GART: variants seen among roughly 807,000 people sequenced by gnomAD.
GART encodes trifunctional purine biosynthetic protein adenosine-3.
A neutral mutation model predicts 107.2 loss-of-function variants in GART; 43 were observed. That is an observed-to-expected ratio of 0.40 (90% CI 0.31 to 0.52). The LOEUF (loss-of-function observed/expected upper bound fraction) is 0.52, where lower values mean the gene tolerates loss of function less well. Ranked by LOEUF, GART falls within the 20% of genes least tolerant of loss-of-function variation. The probability of loss-of-function intolerance (pLI) is 0.52; values close to 1 mark genes in which losing one functional copy is unlikely to be tolerated. For synonymous variants in GART, 434 were observed against 427.0 expected (o/e 1.02, Z -0.20); for missense variants, 1,107 against 1,206.5 (o/e 0.92, Z 1.22).
intron 18 of GART, among the ~76,000 whole-genome samples, chr21:33,507,247 A>C (rs1051043754): frequency 2.6e-5 from 4 of 152,194 alleles, no homozygotes; most frequent in African/African-American, 9.6e-5. Context: ...CATTTGCAAC[A>C]ACATGGATGG....
intron 4 of GART, 34 bp from the exon 5 acceptor site, chr21:33,532,490 A>C (rs202189276): frequency 1.4e-6 from 2 of 1,435,808 alleles, no homozygotes; most frequent in African/African-American, 2.8e-5. Context: ...ACATCCAATA[A>C]ACCATTACAA....
chr21:33,512,785 GT>G (rs1400385951), intron 16 of GART, among the ~76,000 whole-genome samples: 1 of 151,658 alleles, frequency 6.6e-6, no homozygotes, highest in Non-Finnish European at 1.5e-5. Flanking sequence ...GAGAGACAGG[GT>G]CTTACCATGT....
chr21:33,522,348 T>C (rs1236274507), intron 11 of GART, 66 bp from the exon 12 acceptor site: 3 of 1,239,758 alleles, frequency 2.4e-6, no homozygotes, highest in Non-Finnish European at 2.3e-6. Flanking sequence ...TAAAATATTA[T>C]TTAAAGCAGA....
intron 16 of GART, among the ~76,000 whole-genome samples, chr21:33,514,856 C>T (rs2084847963): frequency 6.6e-6 from 1 of 152,150 alleles, no homozygotes; most frequent in Non-Finnish European, 1.5e-5. Context: ...CATCTGACCA[C>T]TCTCCCAGCT....
In GART at chr21:33,519,552, T is replaced by TAAAA. The variant is rs559509642; in HGVS notation, c.1702+808_1702+811dup. Among the ~76,000 whole-genome samples the TAAAA allele has an allele frequency of 9.7e-5, 12 of 123,346 alleles. 1 individual carries two copies. The highest frequency in any genetic ancestry group is 1.9e-4 in the Non-Finnish European group (11 of 57,534). 80.9% of individuals were successfully genotyped at this position (123,346 alleles called of 152,430 possible). On this transcript the variant is annotated intron_variant, in intron 14 of 21. Coordinates refer to ENST00000381815, the MANE Select transcript of GART (RefSeq NM_000819.5). ...CTGCGTGACAGAGCAAGACTCTGTT[T>TAAAA]AAAAAAAAAAAAAAAAAAAGAGGCA...
Position 33,511,287 on chromosome 21 carries a change from G to GCTT in GART, c.2276_2278dup (p.Glu759dup). The stretch of plus-strand genomic sequence containing the variant: ...TGCAACCACACTGCCAATCACCCAG[G>GCTT]CTTCTTCCTTGTGCTGCTGGATATC... On this transcript the variant is annotated inframe_insertion, in exon 17 of 22. Transcript: ENST00000381815. 1 of 1,614,154 alleles carries GCTT rather than the reference G, an allele frequency of 6.2e-7. No homozygotes were observed. The highest frequency in any genetic ancestry group is 8.5e-7 in the Non-Finnish European group (1 of 1,180,032).
chr21:33,537,576 T>C (rs2085328901), intron 2 of GART, among the ~76,000 whole-genome samples: 2 of 152,310 alleles, frequency 1.3e-5, no homozygotes, highest in South Asian at 2.1e-4. Context: ...GAAATGGGGA[T>C]GGACACTTGC....
At chr21:33,508,065 A>C (rs2084715338) in intron 18 of GART, among the ~76,000 whole-genome samples, 1 of 152,192 alleles carries the variant, frequency 6.6e-6, no homozygotes, top group South Asian at 2.1e-4. Flanking sequence ...TAATGGATTA[A>C]TAGATTGTGA....
chr21:33,523,860 A>C (rs904449767), intron 11 of GART: 12 of 291,388 alleles, frequency 4.1e-5, no homozygotes, highest in African/African-American at 4.6e-5. Flanking sequence ...CCAGCTACTC[A>C]GGAGGCTGAG....
intron 5 of GART, chr21:33,531,845 T>A (rs1601220196): frequency 2.8e-6 from 1 of 362,364 alleles, no homozygotes; most frequent in East Asian, 4.7e-5. Flanking sequence ...ACAGATGTTT[T>A]CATTATCGCC....
chr21:33,542,213 C>T (rs912219399), upstream of GART: 3 of 152,278 alleles, frequency 2.0e-5, no homozygotes, highest in Non-Finnish European at 4.4e-5. Context: ...CCTGGGTCTC[C>T]GCGGCGAGAA....
chr21:33,527,560 GT>G (rs2085097709), intron 10 of GART, among the ~76,000 whole-genome samples: 1 of 152,032 alleles, frequency 6.6e-6, no homozygotes, highest in East Asian at 1.9e-4. Context: ...AGCACGGAGA[GT>G]GGCCAAACTA....
intron 20 of GART, 122 bp from the exon 21 acceptor site, chr21:33,504,649 T>C (rs2084648610): frequency 1.4e-6 from 1 of 693,648 alleles, no homozygotes; most frequent in African/African-American, 1.8e-5. Context: ...ATGGATGTTT[T>C]CTTTGCCAAA....
Position 33,528,538 on chromosome 21 carries a change from A to C in GART, c.878T>G (p.Phe293Cys). The C allele has an allele frequency of 6.2e-7, 1 of 1,611,092 alleles. No homozygotes were observed. The highest frequency in any genetic ancestry group is 8.5e-7 in the Non-Finnish European group (1 of 1,179,148). The change falls in exon 9 of 22, where the codon TTT becomes TGT. Residue 293 changes from phenylalanine (F) to cysteine (C), a missense_variant. Coordinates refer to ENST00000381815, the MANE Select transcript of GART (RefSeq NM_000819.5). ...GPKVLEFNCR[F>C]GDPECQVILP... ...ACCCACTTGGCACTCTGGATCACCA[A>C]AACGGCAATTAAACTCTAGAACTTT...
intron 18 of GART, 112 bp downstream of exon 18, chr21:33,509,671 T>C (rs1031450693): frequency 6.6e-6 from 7 of 1,057,848 alleles, no homozygotes; most frequent in Non-Finnish European, 8.0e-6. Flanking sequence ...ACCCTCATGA[T>C]TCCCCCCAGT....
At position 33,528,162 on chromosome 21, in the gene GART, C is replaced by G. The variant is rs750763955; in HGVS notation, c.1066+5G>C. On this transcript the variant is annotated splice_donor_5th_base_variant and intron_variant, in intron 10 of 21. Transcript: ENST00000381815. ...TACTCCAACCTCTTGCTCCCTGACA[C>G]TCACCTGTTATCTCTACACCCTTGG... 6.2e-7 allele frequency: 1 copy of G among 1,612,922 alleles called. No homozygotes were observed. The highest frequency in any genetic ancestry group is 8.5e-7 in the Non-Finnish European group (1 of 1,179,460).
At position 33,534,570 on chromosome 21, in the gene GART, T is replaced by C; in HGVS notation, c.416+9A>G. Reference sequence around the variant, plus strand: ...AACAACTGTCCTTCACAGACAACCATTTACCTACCTCAAAATGAAGCTGCA... The same window carrying C: ...AACAACTGTCCTTCACAGACAACCACTTACCTACCTCAAAATGAAGCTGCA... On this transcript the variant is annotated intron_variant, in intron 4 of 21. Coordinates refer to ENST00000381815, the MANE Select transcript of GART (RefSeq NM_000819.5). 1.2e-6 allele frequency: 2 copies of C among 1,613,994 alleles called. No individual in the cohort carries two copies. Among genetic ancestry groups the C allele is most frequent in the Non-Finnish European group, 1.7e-6 (2 of 1,179,962 alleles).
At chr21:33,516,853 T>C in intron 16 of GART, 136 bp downstream of exon 16, 1 of 712,042 alleles carries the variant, frequency 1.4e-6, no homozygotes, top group South Asian at 2.1e-5. Context: ...GGTCGAGTTT[T>C]TCCCTCCCAA....
chr21:33,509,900 T>C lies in GART; in HGVS notation c.2335A>G (p.Lys779Glu). The change falls in exon 18 of 22, where the codon AAG becomes GAG. Residue 779 changes from lysine to glutamate, a missense_variant. Transcript: ENST00000381815. ...ATTTGCATGCTTTCAATCAGATTCT[T>C]GACTTTCACACGTGGGGAACCTTCA... ...RAEGSPRVKV[K>E]NLIESMQING... 1 of 1,613,264 alleles carries C rather than the reference T, an allele frequency of 6.2e-7. No individual in the cohort carries two copies. The highest frequency in any genetic ancestry group is 8.5e-7 in the Non-Finnish European group (1 of 1,179,650).
Sources: allele counts gnomAD v4.1 joint callset (sites outside exome capture counted in the v4.1 genomes callset), GRCh38; gene constraint gnomAD v4.1.1; transcripts MANE v1.5; gene names NCBI Gene and HGNC (gene_info 2026-07-23, HGNC 2026-07-21).